Variants in DISC1 observed in about 807,000 individuals in gnomAD.
The protein encoded by DISC1 is disrupted in schizophrenia 1 protein.
A neutral mutation model predicts 84.5 loss-of-function variants in DISC1; 57 were observed. The ratio of observed to expected loss-of-function variants is 0.67; its 90% CI spans 0.55 to 0.84. DISC1 has a LOEUF of 0.84. Among genes scored for constraint, DISC1 ranks in the 40% least tolerant of loss-of-function variants. The pLI is 0.00. For missense variants in DISC1, 1,000 were observed against 1,057.8 expected (o/e 0.95, Z 0.76); for synonymous variants, 411 against 415.2 (o/e 0.99, Z 0.12).
chr1:231,822,227 C>A (rs2081549478), intron 9 of DISC1, among the ~76,000 whole-genome samples: 1 of 152,088 alleles, frequency 6.6e-6, no homozygotes, highest in African/African-American at 2.4e-5. Context: ...TGAATTTTCC[C>A]ACCTTATGCC....
intron 9 of DISC1, among the ~76,000 whole-genome samples, chr1:231,924,234 C>A (rs994929193): frequency 1.3e-5 from 2 of 152,196 alleles, no homozygotes; most frequent in African/African-American, 2.4e-5. Context: ...GCCTCCTTTG[C>A]GGGTCCCATC....
intron 9 of DISC1, among the ~76,000 whole-genome samples, chr1:231,909,342 C>A (rs2088978326): frequency 6.6e-6 from 1 of 152,134 alleles, no homozygotes; most frequent in Non-Finnish European, 1.5e-5. Context: ...TGAGATACAT[C>A]CCATCAATAT....
At chr1:232,018,548 A>G (rs1210513218) in intron 11 of DISC1, among the ~76,000 whole-genome samples, 1 of 152,148 alleles carries the variant, frequency 6.6e-6, no homozygotes, top group East Asian at 1.9e-4. Context: ...AGGAAATCCT[A>G]TTTTCTGTTT....
intron 9 of DISC1, among the ~76,000 whole-genome samples, chr1:231,884,900 A>C (rs1475873056): frequency 6.6e-6 from 1 of 151,936 alleles, no homozygotes; most frequent in Non-Finnish European, 1.5e-5. Context: ...GAATGCATTT[A>C]GTGCTGGAAT....
intron 4 of DISC1, among the ~76,000 whole-genome samples, chr1:231,760,069 C>T (rs1394848529): frequency 6.6e-6 from 1 of 152,196 alleles, no homozygotes; most frequent in Non-Finnish European, 1.5e-5. Flanking sequence ...ATGTGCCTCT[C>T]TTGCCGGGTG....
chr1:231,825,172 C>A (rs1433440172), intron 9 of DISC1, among the ~76,000 whole-genome samples: 2 of 152,124 alleles, frequency 1.3e-5, no homozygotes, highest in African/African-American at 4.8e-5. Flanking sequence ...ATTGTTACAT[C>A]TTTTTTCACT....
At chr1:231,850,581 C>T (rs1369601929) in intron 9 of DISC1, among the ~76,000 whole-genome samples, 1 of 152,168 alleles carries the variant, frequency 6.6e-6, no homozygotes, top group Non-Finnish European at 1.5e-5. Flanking sequence ...GATATCGATC[C>T]TGTACGAATG....
At chr1:231,879,710 A>G (rs1453007823) in intron 9 of DISC1, among the ~76,000 whole-genome samples, 7 of 152,074 alleles carry the variant, frequency 4.6e-5, no homozygotes. Flanking sequence ...AGAGGTGACA[A>G]GAATGACCCT....
In DISC1 at chr1:231,648,193, G is replaced by T. The variant is rs200077118; in HGVS notation, c.67+21259G>T. On this transcript the variant is annotated intron_variant, in intron 1 of 12. Transcript: ENST00000439617. ...CTCATTCAGTGTGATATTGGCTATG[G>T]GTTTGTCATAAATAGCTCTTATTAT... 1.4e-4 allele frequency among the ~76,000 whole-genome samples: 22 copies of T among 152,226 alleles called. No individual in the cohort carries two copies. In the East Asian group the frequency reaches 4.2e-3, roughly 29 times the overall value.
At chr1:231,632,137 T>C (rs114737808) in intron 1 of DISC1, among the ~76,000 whole-genome samples, 2,460 of 152,300 alleles carry the variant, frequency 0.016, 70 homozygotes, top group African/African-American at 0.056. Flanking sequence ...ACAGTAGCTA[T>C]ACAATATAGC....
intron 9 of DISC1, among the ~76,000 whole-genome samples, chr1:231,834,822 T>C (rs1054347029): frequency 6.6e-6 from 1 of 152,086 alleles, no homozygotes; most frequent in Admixed American, 6.5e-5. Flanking sequence ...AAGGCAGGCG[T>C]CCCTGCATGG....
chr1:231,798,486 G>A (rs1438880292), intron 7 of DISC1, among the ~76,000 whole-genome samples: 2 of 152,084 alleles, frequency 1.3e-5, no homozygotes, highest in Non-Finnish European at 2.9e-5. Context: ...AGAAATATTG[G>A]ACATAGACTG....
At chr1:231,762,761 G>A (rs1336564247) in intron 4 of DISC1, among the ~76,000 whole-genome samples, 2 of 152,152 alleles carry the variant, frequency 1.3e-5, no homozygotes, top group East Asian at 1.9e-4. Flanking sequence ...GAGGATGGAG[G>A]CGTTCTGTCT....
intron 9 of DISC1, among the ~76,000 whole-genome samples, chr1:231,923,652 C>T (rs776779568): frequency 7.2e-5 from 11 of 152,244 alleles, no homozygotes; most frequent in Admixed American, 3.3e-4. Context: ...GCACAAGGCA[C>T]GCTGACGCTG....
At chr1:231,732,617 G>A (rs1211828674) in intron 3 of DISC1, among the ~76,000 whole-genome samples, 1 of 152,142 alleles carries the variant, frequency 6.6e-6, no homozygotes, top group Admixed American at 6.5e-5. Flanking sequence ...CTTTTTCATT[G>A]TGTGGCTGAG....
intron 9 of DISC1, among the ~76,000 whole-genome samples, chr1:231,891,968 T>C (rs923977156): frequency 9.9e-5 from 15 of 152,104 alleles, no homozygotes; most frequent in African/African-American, 3.6e-4. Context: ...AGTCAGCCGA[T>C]CAGGTGAATT....
At chr1:231,723,386 ATCT>A in intron 3 of DISC1, 4 of 985,676 alleles carry the variant, frequency 4.1e-6, no homozygotes, top group Admixed American at 6.1e-5. Flanking sequence ...AACGGCGATG[ATCT>A]TCTTCCCTTG....
chr1:231,956,466 C>A (rs1173017152), intron 9 of DISC1, among the ~76,000 whole-genome samples: 1 of 152,112 alleles, frequency 6.6e-6, no homozygotes, highest in East Asian at 1.9e-4. Flanking sequence ...TTGCACTAAC[C>A]TCCTCCATGT....
Position 232,037,014 on chromosome 1 carries a change from G to C in DISC1, c.*183G>C, listed in dbSNP as rs1670572233. The C allele has an allele frequency of 3.8e-6, 2 of 530,350 alleles. No homozygotes were observed. Among genetic ancestry groups the C allele is most frequent in the Admixed American group, 4.3e-5 (1 of 23,232 alleles). The allele number at this position is 530,350 out of a possible 1,614,324, so 32.9% of individuals were successfully genotyped here. A position where few individuals can be genotyped will look rare whatever the true frequency, so the allele number is the denominator to read the frequency against. ...TGTGAAACTGAGGAGTCTGCAATTTGGAATATGGAGAGAGAGACTGATTTG... is the reference window on the plus strand; with the variant it reads ...TGTGAAACTGAGGAGTCTGCAATTTCGAATATGGAGAGAGAGACTGATTTG... On this transcript the variant is annotated 3_prime_UTR_variant, in exon 13 of 13. Transcript: ENST00000439617.
Sources: gnomAD v4.1 joint callset for allele counts (sites outside exome capture counted in the v4.1 genomes callset) on GRCh38, gnomAD v4.1.1 for gene constraint, MANE v1.5 for transcripts, NCBI Gene and HGNC (gene_info 2026-07-23, HGNC 2026-07-21) for gene names.